TSHZ2: variants seen among roughly 807,000 people sequenced by gnomAD.
The protein encoded by TSHZ2 is teashirt homolog 2.
A neutral mutation model predicts 74.4 loss-of-function variants in TSHZ2; 21 were observed. That is an observed-to-expected ratio of 0.28 (90% CI 0.20 to 0.41). The LOEUF is 0.41. Ranked by LOEUF, TSHZ2 falls within the 10% of genes least tolerant of loss-of-function variation. The pLI, the probability that TSHZ2 is intolerant of heterozygous loss-of-function variation, is 1.00. For synonymous variants in TSHZ2, 540 were observed against 515.3 expected (o/e 1.05, Z -0.65); for missense variants, 1,244 against 1,293.5 (o/e 0.96, Z 0.59).
chr20:53,001,230 G>GTGTATGTGTGTGTGTGTGTGTGTA (rs1555813622), intron 1 of TSHZ2, among the ~76,000 whole-genome samples: 4,514 of 126,074 alleles, frequency 0.036, 114 homozygotes, highest in Non-Finnish European at 0.056. Flanking sequence ...GTGTGTGTGT[G>GTGTATGTGTGTGTGTGTGTGTGTA]TGTGTGTGTG....
At chr20:53,368,991 G>A (rs915676858) in intron 2 of TSHZ2, among the ~76,000 whole-genome samples, 5 of 152,202 alleles carry the variant, frequency 3.3e-5, no homozygotes, top group African/African-American at 1.2e-4. Context: ...GCCTAGCATC[G>A]TGGCTCATGC....
At chr20:52,989,156 C>G (rs1981881939) in intron 1 of TSHZ2, among the ~76,000 whole-genome samples, 1 of 116,410 alleles carries the variant, frequency 8.6e-6, no homozygotes, top group Admixed American at 9.1e-5. Context: ...ATGATAGACT[C>G]TGTCTGGCAA....
At chr20:53,221,083 G>T (rs555504475) in intron 1 of TSHZ2, among the ~76,000 whole-genome samples, 3 of 152,192 alleles carry the variant, frequency 2.0e-5, no homozygotes, top group Non-Finnish European at 4.4e-5. Flanking sequence ...TTCTGTTCTC[G>T]TGGTAGTGAA....
intron 1 of TSHZ2, chr20:53,185,549 G>A (rs1215411499): frequency 1.4e-6 from 2 of 1,451,096 alleles, no homozygotes; most frequent in Non-Finnish European, 1.9e-6. Context: ...GGACCCAGGA[G>A]GCAGAGGTTG....
At chr20:53,157,334 T>C (rs1987819535) in intron 1 of TSHZ2, among the ~76,000 whole-genome samples, 1 of 152,132 alleles carries the variant, frequency 6.6e-6, no homozygotes, top group Non-Finnish European at 1.5e-5. Flanking sequence ...GGCAGTTTTC[T>C]GGAACTCTCT....
intron 1 of TSHZ2, among the ~76,000 whole-genome samples, chr20:53,239,160 G>A (rs1362456158): frequency 6.6e-6 from 1 of 152,184 alleles, no homozygotes; most frequent in Non-Finnish European, 1.5e-5. Flanking sequence ...GATGCCAGTA[G>A]CACCTTGTCT....
chr20:53,160,373 A>G (rs1189926065), intron 1 of TSHZ2, among the ~76,000 whole-genome samples: 7 of 152,186 alleles, frequency 4.6e-5, no homozygotes, highest in Non-Finnish European at 1.0e-4. Flanking sequence ...CTAGTCGTGC[A>G]AAGTATCTCT....
At chr20:52,985,111 G>T (rs1389865357) in intron 1 of TSHZ2, among the ~76,000 whole-genome samples, 2 of 151,986 alleles carry the variant, frequency 1.3e-5, no homozygotes, top group African/African-American at 4.8e-5. Flanking sequence ...TCCTGGAATG[G>T]CTTCTTCACA....
Position 53,230,542 on chromosome 20 carries a change from C to T in TSHZ2, c.41-22957C>T, listed in dbSNP as rs148812125. Among the ~76,000 whole-genome samples the T allele has an allele frequency of 7.5e-3, 1,145 of 152,234 alleles. 7 individuals are homozygous for T. Among genetic ancestry groups the T allele is most frequent in the Middle Eastern group, 0.048 (14 of 294 alleles). ...CAGAGAAGCCAAGAGAATGGAGTCACGGTGCCCCGTTTTCTGTAAGCAAGA... is the reference window on the plus strand; with the variant it reads ...CAGAGAAGCCAAGAGAATGGAGTCATGGTGCCCCGTTTTCTGTAAGCAAGA... On this transcript the variant is annotated intron_variant, in intron 1 of 2. Transcript: ENST00000371497.
At chr20:53,064,721 C>T (rs79232405) in intron 1 of TSHZ2, among the ~76,000 whole-genome samples, 12 of 147,796 alleles carry the variant, frequency 8.1e-5, no homozygotes, top group Non-Finnish European at 1.5e-4. Context: ...TGTGTGAAGC[C>T]TTTTCTCGTC....
intron 1 of TSHZ2, among the ~76,000 whole-genome samples, chr20:53,209,005 C>G (rs746365327): frequency 4.6e-5 from 7 of 152,170 alleles, no homozygotes; most frequent in Non-Finnish European, 7.3e-5. Context: ...GTTCCACCTA[C>G]CCATTTTGAC....
At chr20:53,151,909 T>C (rs1352539116) in intron 1 of TSHZ2, among the ~76,000 whole-genome samples, 1 of 152,224 alleles carries the variant, frequency 6.6e-6, no homozygotes, top group African/African-American at 2.4e-5. Flanking sequence ...TGTATGAATA[T>C]ATTTCATTAT....
At chr20:53,342,968 T>TC (rs2145572290) in intron 2 of TSHZ2, among the ~76,000 whole-genome samples, 1 of 120,404 alleles carries the variant, frequency 8.3e-6, no homozygotes, top group South Asian at 3.1e-4. Flanking sequence ...TTTTTTTTTT[T>TC]TTTTTTTTTT....
intron 1 of TSHZ2, among the ~76,000 whole-genome samples, chr20:53,088,467 G>C (rs1330030122): frequency 6.6e-6 from 1 of 152,136 alleles, no homozygotes; most frequent in Non-Finnish European, 1.5e-5. Context: ...CTGATTATGT[G>C]ATTTGAATGG....
chr20:53,374,098 A>G (rs1006411500), intron 2 of TSHZ2, among the ~76,000 whole-genome samples: 10 of 152,186 alleles, frequency 6.6e-5, no homozygotes, highest in African/African-American at 2.4e-4. Flanking sequence ...TCACCCAGGT[A>G]ATAAACGTCG....
intron 1 of TSHZ2, among the ~76,000 whole-genome samples, chr20:53,025,165 T>C (rs1195358782): frequency 6.6e-6 from 1 of 151,326 alleles, no homozygotes; most frequent in African/African-American, 2.4e-5. Context: ...TTATATATTT[T>C]ATAGATATGC....
At chr20:53,091,152 G>A (rs1211269059) in intron 1 of TSHZ2, among the ~76,000 whole-genome samples, 2 of 152,152 alleles carry the variant, frequency 1.3e-5, no homozygotes, top group Non-Finnish European at 2.9e-5. Flanking sequence ...CATCAATTTG[G>A]TAATTTTGTA....
chr20:53,140,871 G>A (rs1419399975), intron 1 of TSHZ2, among the ~76,000 whole-genome samples: 6 of 152,096 alleles, frequency 3.9e-5, no homozygotes, highest in Non-Finnish European at 5.9e-5. Context: ...GTTGAGGGAC[G>A]GTGTGGACAG....
At chr20:53,214,774 G>A (rs986947668) in intron 1 of TSHZ2, among the ~76,000 whole-genome samples, 1 of 152,116 alleles carries the variant, frequency 6.6e-6, no homozygotes, top group African/African-American at 2.4e-5. Context: ...AGAAGGAAGG[G>A]AGGGTGTGTA....
Sources: gnomAD v4.1 joint callset for allele counts (sites outside exome capture counted in the v4.1 genomes callset) on GRCh38, gnomAD v4.1.1 for gene constraint, MANE v1.5 for transcripts, NCBI Gene and HGNC (gene_info 2026-07-23, HGNC 2026-07-21) for gene names.